Variants in LRFN2 observed in about 807,000 individuals in gnomAD.
LRFN2 encodes leucine-rich repeat and fibronectin type-III domain-containing protein 2.
LRFN2 carries 18 observed loss-of-function variants against 37.3 expected under a neutral mutation model. The ratio of observed to expected loss-of-function variants is 0.48; its 90% CI spans 0.33 to 0.72. The LOEUF (loss-of-function observed/expected upper bound fraction) is 0.72. LRFN2 is among the 30% of genes least tolerant of loss of function. The pLI is 0.02. For missense variants in LRFN2, 1,006 were observed against 1,060.7 expected (o/e 0.95, Z 0.72); for synonymous variants, 556 against 466.6 (o/e 1.19, Z -2.47).
chr6:40,489,655 C>T (rs774422382), intron 1 of LRFN2, among the ~76,000 whole-genome samples: 13 of 151,988 alleles, frequency 8.6e-5, no homozygotes, highest in African/African-American at 1.5e-4. Flanking sequence ...GGGAGGAGGG[C>T]AGAAGGACAC....
chr6:40,414,077 C>T (rs1031018968), intron 2 of LRFN2, among the ~76,000 whole-genome samples: 23 of 152,344 alleles, frequency 1.5e-4, no homozygotes, highest in African/African-American at 5.3e-4. Context: ...CAGGCAGGAG[C>T]TCTTTGGAGC....
intron 1 of LRFN2, among the ~76,000 whole-genome samples, chr6:40,534,863 C>T (rs566517970): frequency 4.6e-5 from 7 of 152,250 alleles, no homozygotes; most frequent in South Asian, 4.1e-4. Flanking sequence ...CCAGGTGCCC[C>T]GCGCCCATCT....
At chr6:40,579,297 C>T (rs1767348377) in intron 1 of LRFN2, among the ~76,000 whole-genome samples, 1 of 152,150 alleles carries the variant, frequency 6.6e-6, no homozygotes, top group Non-Finnish European at 1.5e-5. Flanking sequence ...CCCAGCTCAG[C>T]CCCTGTGACA....
chr6:40,453,690 A>C (rs952044925), intron 1 of LRFN2, among the ~76,000 whole-genome samples: 9 of 152,152 alleles, frequency 5.9e-5, no homozygotes, highest in Non-Finnish European at 1.3e-4. Flanking sequence ...CGTGATCAGG[A>C]CTGGGTGATA....
intron 1 of LRFN2, among the ~76,000 whole-genome samples, chr6:40,446,934 T>TCA: frequency 1.1e-4 from 3 of 27,306 alleles, no homozygotes; most frequent in African/African-American, 2.4e-4. Flanking sequence ...TTCCTGAGGA[T>TCA]GGAGCTGTGT....
chr6:40,394,156 T>C (rs903032262), intron 2 of LRFN2, among the ~76,000 whole-genome samples: 5 of 151,838 alleles, frequency 3.3e-5, no homozygotes, highest in Non-Finnish European at 7.4e-5. Flanking sequence ...TTGTGGCTGG[T>C]CCTCTCCTGC....
chr6:40,423,229 A>G (rs1366626339), intron 2 of LRFN2, among the ~76,000 whole-genome samples: 1 of 152,228 alleles, frequency 6.6e-6, no homozygotes, highest in Non-Finnish European at 1.5e-5. Context: ...TATTTCTGAA[A>G]GGGGTTATAC....
Position 40,392,350 on chromosome 6 carries a change from G to T in LRFN2, c.1963C>A (p.Arg655Ser), listed in dbSNP as rs781110254. The change falls in exon 3 of 3, where the codon CGC becomes AGC. Residue 655 changes from arginine to serine, a missense_variant. Arg to Ser is a moderately radical substitution (Grantham distance 110). Transcript: ENST00000338305. The surrounding 1 kb of genome is among the most constrained non-coding windows in gnomAD (Gnocchi z 4.7). ...SAPRPKPSLDRLMGAFASLDL... is the reference protein window; with the variant it reads ...SAPRPKPSLDSLMGAFASLDL... ...AGGGAGGCGAAGGCCCCCATCAGGC[G>T]GTCAAGGCTGGGCTTGGGGCGCGGG... 3.7e-6 allele frequency: 6 copies of T among 1,608,722 alleles called. No individual in the cohort carries two copies. Among genetic ancestry groups the T allele is most frequent in the Non-Finnish European group, 5.1e-6 (6 of 1,178,030 alleles).
intron 2 of LRFN2, among the ~76,000 whole-genome samples, chr6:40,395,012 G>A (rs4711634): frequency 0.55 from 81,704 of 147,340 alleles, 22,918 homozygotes; most frequent in Middle Eastern, 0.7. Context: ...TCAGCAGCGT[G>A]AAAATGGACT....
At chr6:40,515,892 C>CAAAAAAAAAAAAAAAAAA (rs71543993) in intron 1 of LRFN2, among the ~76,000 whole-genome samples, 1 of 91,786 alleles carries the variant, frequency 1.1e-5, no homozygotes, top group Non-Finnish European at 2.2e-5. Flanking sequence ...GACTCCATAT[C>CAAAAAAAAAAAAAAAAAA]AAAAAAAAAA....
chr6:40,422,370 G>A (rs752530165), intron 2 of LRFN2, among the ~76,000 whole-genome samples: 1 of 152,202 alleles, frequency 6.6e-6, no homozygotes, highest in Non-Finnish European at 1.5e-5. Context: ...GATGCTGAAT[G>A]CATGTCAAAA....
At chr6:40,473,447 G>A (rs1764645935) in intron 1 of LRFN2, among the ~76,000 whole-genome samples, 1 of 152,200 alleles carries the variant, frequency 6.6e-6, no homozygotes, top group South Asian at 2.1e-4. Context: ...TCCACTCCCA[G>A]TCATTGGGGG....
At chr6:40,538,765 G>T in intron 1 of LRFN2, among the ~76,000 whole-genome samples, 1 of 152,310 alleles carries the variant, frequency 6.6e-6, no homozygotes, top group Non-Finnish European at 1.5e-5. Context: ...AGATATGCCC[G>T]TTGTGTGTCA....
chr6:40,572,154 A>T (rs1425582689), intron 1 of LRFN2, among the ~76,000 whole-genome samples: 2 of 152,228 alleles, frequency 1.3e-5, no homozygotes, highest in Non-Finnish European at 2.9e-5. Context: ...TGAGCAAGTT[A>T]CTTAAACCCT....
intron 2 of LRFN2, among the ~76,000 whole-genome samples, chr6:40,424,844 C>G (rs2113817726): frequency 6.6e-6 from 1 of 152,324 alleles, no homozygotes. Context: ...CAGCTTCTCC[C>G]TTTAAGAACA....
chr6:40,495,514 CT>C lies in LRFN2; in HGVS notation c.-18-62384del, dbSNP rs1765204241. The stretch of plus-strand genomic sequence containing the variant: ...AAACAGGCATTGTTCAGGATCACCT[CT>C]GACCACCCAACATCTTCTCAAAGCC... On this transcript the variant is annotated intron_variant, in intron 1 of 2. Coordinates refer to ENST00000338305, the MANE Select transcript of LRFN2 (RefSeq NM_020737.3). Among the ~76,000 whole-genome samples the C allele has an allele frequency of 3.9e-5, 6 of 152,302 alleles. No homozygotes were observed. The South Asian group carries it at 1.2e-3, about 32-fold the overall frequency.
At position 40,432,751 on chromosome 6, in the gene LRFN2, C is replaced by A. The variant is rs879093591; in HGVS notation, c.363G>T (p.Arg121=). ...RLPSLGEDTL[R]GLVNLQHLIV... is the part of the protein sequence containing the mutation. The stretch of plus-strand genomic sequence containing the variant: ...TAAGGTGCTGCAGGTTGACCAGGCC[C>A]CGGAGGGTGTCCTCCCCAAGGCTTG... The change falls in exon 2 of 3, where the codon CGG becomes CGT. Residue 121 remains arginine (R), a synonymous_variant. Coordinates refer to ENST00000338305, the MANE Select transcript of LRFN2 (RefSeq NM_020737.3). 1 of 1,614,190 alleles carries A rather than the reference C, an allele frequency of 6.2e-7. No homozygotes were observed. The highest frequency in any genetic ancestry group is 1.1e-5 in the South Asian group (1 of 91,082).
At chr6:40,408,995 A>G (rs1380741316) in intron 2 of LRFN2, among the ~76,000 whole-genome samples, 1 of 152,238 alleles carries the variant, frequency 6.6e-6, no homozygotes, top group African/African-American at 2.4e-5. Flanking sequence ...GTGGAAGGGC[A>G]AGAGAGACAG....
chr6:40,468,332 T>C (rs958369111), intron 1 of LRFN2, among the ~76,000 whole-genome samples: 16 of 152,246 alleles, frequency 1.1e-4, no homozygotes, highest in Admixed American at 8.5e-4. Context: ...TGACCATCTC[T>C]GCGATCTGTG....
Sources: allele counts gnomAD v4.1 joint callset (sites outside exome capture counted in the v4.1 genomes callset), GRCh38; gene constraint gnomAD v4.1.1; non-coding constraint Gnocchi (gnomAD v3.1); transcripts MANE v1.5; gene names NCBI Gene and HGNC (gene_info 2026-07-23, HGNC 2026-07-21).